Variants in PCCA observed in about 807,000 individuals in gnomAD.
PCCA encodes the protein propionyl-CoA carboxylase subunit alpha.
In PCCA, 74 loss-of-function variants were observed where a neutral mutation model predicts 101.3. The ratio of observed to expected loss-of-function variants is 0.73; its 90% CI spans 0.61 to 0.89. The LOEUF (loss-of-function observed/expected upper bound fraction) is 0.89. PCCA is among the 40% of genes least tolerant of loss of function. PCCA has a pLI of 0.00. For missense variants in PCCA, 891 were observed against 907.0 expected (o/e 0.98, Z 0.23); for synonymous variants, 294 against 313.6 (o/e 0.94, Z 0.66).
chr13:100,368,890 A>G (rs960587226), intron 19 of PCCA, among the ~76,000 whole-genome samples: 8 of 152,246 alleles, frequency 5.3e-5, no homozygotes, highest in Admixed American at 2.0e-4. Context: ...AATGTATGAT[A>G]GTGGTGGTAG....
At chr13:100,409,712 A>G (rs1245202663) in intron 19 of PCCA, among the ~76,000 whole-genome samples, 4 of 152,322 alleles carry the variant, frequency 2.6e-5, no homozygotes, top group South Asian at 4.1e-4. Context: ...AACAGGGACA[A>G]CTGTCCAAAC....
intron 4 of PCCA, among the ~76,000 whole-genome samples, chr13:100,152,409 A>G (rs2053440722): frequency 6.7e-6 from 1 of 148,724 alleles, no homozygotes; most frequent in African/African-American, 2.5e-5. Context: ...AGTAAAATAT[A>G]TTAGGCTCTG....
intron 12 of PCCA, among the ~76,000 whole-genome samples, chr13:100,296,844 A>G (rs1305764573): frequency 6.6e-6 from 1 of 152,110 alleles, no homozygotes; most frequent in African/African-American, 2.4e-5. Flanking sequence ...CAATTTAGGG[A>G]CTATATTCAA....
chr13:100,165,359 A>G (rs2054919032), intron 6 of PCCA, among the ~76,000 whole-genome samples: 1 of 152,126 alleles, frequency 6.6e-6, no homozygotes, highest in African/African-American at 2.4e-5. Context: ...TAGTTGACTC[A>G]TTGGATATTT....
chr13:100,466,923 C>T (rs2082565154), intron 21 of PCCA, among the ~76,000 whole-genome samples: 1 of 152,176 alleles, frequency 6.6e-6, no homozygotes, highest in Non-Finnish European at 1.5e-5. Flanking sequence ...AAAGATTGTA[C>T]CACTCCTTTC....
rs942793203 is a variant in PCCA, at chr13:100,159,371, G to A, written c.468+2031G>A. ...CCCAAAGTGCTGGGATTACAGGCGT[G>A]AGCCACTGTGTCTGGCCAAAAAATG... On this transcript the variant is annotated intron_variant, in intron 6 of 23. Coordinates refer to ENST00000376285, the MANE Select transcript of PCCA (RefSeq NM_000282.4). Among the ~76,000 whole-genome samples, 7 of 152,190 alleles carry A rather than the reference G, an allele frequency of 4.6e-5. 1 individual carries two copies. Among genetic ancestry groups the A allele is most frequent in the Admixed American group, 1.3e-4 (2 of 15,292 alleles).
intron 6 of PCCA, among the ~76,000 whole-genome samples, chr13:100,195,831 A>G (rs2058071293): frequency 6.6e-6 from 1 of 152,220 alleles, no homozygotes. Context: ...CAGCCTACTC[A>G]GGTTTATGTT....
At chr13:100,228,064 G>T (rs1201210297) in intron 7 of PCCA, among the ~76,000 whole-genome samples, 1 of 151,940 alleles carries the variant, frequency 6.6e-6, no homozygotes, top group Non-Finnish European at 1.5e-5. Flanking sequence ...CACCCAGGCT[G>T]GAGTGCAGTG....
chr13:100,090,007 A>G (rs2046132178), intron 1 of PCCA, among the ~76,000 whole-genome samples: 1 of 152,210 alleles, frequency 6.6e-6, no homozygotes, highest in African/African-American at 2.4e-5. Context: ...AACCTACTTT[A>G]TAAGGTTTGT....
At chr13:100,297,394 T>G (rs2065640907) in intron 12 of PCCA, among the ~76,000 whole-genome samples, 1 of 152,234 alleles carries the variant, frequency 6.6e-6, no homozygotes. Flanking sequence ...ATTATAATTT[T>G]TAGAATCATG....
intron 21 of PCCA, among the ~76,000 whole-genome samples, chr13:100,482,223 C>T (rs1234481553): frequency 6.6e-6 from 1 of 152,188 alleles, no homozygotes; most frequent in African/African-American, 2.4e-5. Context: ...AGTGTGGTTG[C>T]AGCAGCTAGA....
intron 8 of PCCA, 104 bp from the exon 9 acceptor site, chr13:100,257,491 A>G (rs1200833412): frequency 1.2e-6 from 1 of 834,606 alleles, no homozygotes; most frequent in Non-Finnish European, 2.0e-6. Flanking sequence ...TTTTAAATAA[A>G]TTAATTATTG....
chr13:100,118,844 C>A (rs1201628609), intron 4 of PCCA, among the ~76,000 whole-genome samples: 1 of 152,188 alleles, frequency 6.6e-6, no homozygotes, highest in South Asian at 2.1e-4. Flanking sequence ...CCACCGTACC[C>A]CAGCCAGTAA....
At chr13:100,417,408 A>G (rs567686106) in intron 19 of PCCA, among the ~76,000 whole-genome samples, 32 of 152,302 alleles carry the variant, frequency 2.1e-4, no homozygotes, top group African/African-American at 6.5e-4. Flanking sequence ...ACACTTTTCA[A>G]AAACAGGCGG....
intron 14 of PCCA, chr13:100,305,817 GA>G: frequency 2.2e-6 from 1 of 451,486 alleles, no homozygotes; most frequent in South Asian, 1.7e-5. Context: ...TCAGAAAATA[GA>G]AAGCCAAGTA....
chr13:100,105,561 G>A (rs1450329961), intron 2 of PCCA, among the ~76,000 whole-genome samples: 1 of 150,970 alleles, frequency 6.6e-6, no homozygotes, highest in Non-Finnish European at 1.5e-5. Context: ...AGGTGTGATG[G>A]CCCACGCCTG....
chr13:100,228,337 T>C (rs970724431), intron 7 of PCCA, among the ~76,000 whole-genome samples: 4 of 152,146 alleles, frequency 2.6e-5, no homozygotes, highest in African/African-American at 9.7e-5. Flanking sequence ...TCTTCCACTT[T>C]GGGGAGGATT....
intron 22 of PCCA, among the ~76,000 whole-genome samples, chr13:100,519,271 A>G (rs1224715456): frequency 6.6e-6 from 1 of 152,250 alleles, no homozygotes; most frequent in Non-Finnish European, 1.5e-5. Context: ...TAGTGAAACC[A>G]GGTGAAAGAA....
chr13:100,227,616 CTT>C (rs1023715119), intron 7 of PCCA, among the ~76,000 whole-genome samples: 13 of 152,164 alleles, frequency 8.5e-5, no homozygotes, highest in African/African-American at 3.1e-4. Flanking sequence ...TTAAGCTACT[CTT>C]TTGGCATTGT....
Sources: allele counts gnomAD v4.1 joint callset (sites outside exome capture counted in the v4.1 genomes callset), GRCh38; gene constraint gnomAD v4.1.1; transcripts MANE v1.5; gene names NCBI Gene and HGNC (gene_info 2026-07-23, HGNC 2026-07-21).